The following TOX variants were observed in gnomAD, a reference collection of about 807,000 sequenced individuals.
The protein encoded by TOX is thymocyte selection-associated high mobility group box protein TOX.
In TOX, 11 loss-of-function variants were observed where a neutral mutation model predicts 53.7. The ratio of observed to expected loss-of-function variants is 0.20; its 90% confidence interval spans 0.13 to 0.34. TOX has a LOEUF of 0.34. Among genes scored for constraint, TOX ranks in the 10% least tolerant of loss-of-function variants. The probability of loss-of-function intolerance (pLI) is 1.00; values close to 1 mark genes in which losing one functional copy is unlikely to be tolerated. For missense variants in TOX, 570 were observed against 664.6 expected (o/e 0.86, Z 1.56); for synonymous variants, 225 against 245.3 (o/e 0.92, Z 0.77).
At chr8:59,034,089 A>G (rs1814411241) in intron 1 of TOX, among the ~76,000 whole-genome samples, 1 of 152,218 alleles carries the variant, frequency 6.6e-6, no homozygotes, top group East Asian at 1.9e-4. Context: ...CATCAGACTG[A>G]CGGAGGCTGA....
At chr8:58,942,933 C>G (rs768729112) in intron 2 of TOX, among the ~76,000 whole-genome samples, 1 of 152,180 alleles carries the variant, frequency 6.6e-6, no homozygotes, top group Non-Finnish European at 1.5e-5. Context: ...CCTTCCACCA[C>G]CAGTAGAAGT....
intron 3 of TOX, among the ~76,000 whole-genome samples, chr8:58,852,708 G>A (rs1810845518): frequency 6.6e-6 from 1 of 152,174 alleles, no homozygotes; most frequent in Admixed American, 6.6e-5. Context: ...TATTGGAGCA[G>A]CTCAGTTTTT....
intron 6 of TOX, 60 bp downstream of exon 6, chr8:58,826,762 T>C: frequency 6.9e-7 from 1 of 1,441,320 alleles, no homozygotes; most frequent in South Asian, 1.3e-5. Context: ...TTTAAGTGAC[T>C]ATCAAAGTCT....
rs1554539851 is a variant in TOX, at chr8:59,021,499, T to TATATATATAC, written c.103-61492_103-61491insGTATATATAT. Among the ~76,000 whole-genome samples the TATATATATAC allele has an allele frequency of 6.4e-5, 7 of 109,634 alleles. 1 individual carries two copies. The South Asian group carries it at 8.3e-4, about 13-fold the overall frequency. 71.9% of individuals were successfully genotyped at this position (109,634 alleles called of 152,430 possible). Reference sequence around the variant, plus strand: ...AAAAAAAAATATATATATATATATATGCACATATATACAATGTCAGATATA... The same window carrying TATATATATAC: ...AAAAAAAAATATATATATATATATATATATATATACGCACATATATACAATGTCAGATATA... On this transcript the variant is annotated intron_variant, in intron 1 of 8. Transcript: ENST00000361421.
chr8:58,816,409 T>G (rs1325779502), intron 6 of TOX, among the ~76,000 whole-genome samples: 2 of 152,216 alleles, frequency 1.3e-5, no homozygotes, highest in Non-Finnish European at 2.9e-5. Flanking sequence ...ATTAATATAA[T>G]TTTGCCCTAA....
intron 1 of TOX, among the ~76,000 whole-genome samples, chr8:59,083,181 A>G (rs922203028): frequency 3.9e-5 from 6 of 152,250 alleles, no homozygotes; most frequent in African/African-American, 1.4e-4. Flanking sequence ...AGAGGAAAAA[A>G]GAGAAAGTGG....
intron 1 of TOX, among the ~76,000 whole-genome samples, chr8:59,087,025 T>C (rs576109054): frequency 3.4e-4 from 52 of 152,224 alleles, no homozygotes; most frequent in Non-Finnish European, 4.7e-4. Flanking sequence ...AAAGATCAAC[T>C]AAACAGCCTA....
At chr8:58,831,914 A>C (rs1810459415) in intron 5 of TOX, among the ~76,000 whole-genome samples, 1 of 152,086 alleles carries the variant, frequency 6.6e-6, no homozygotes. Context: ...CATGTTTTTC[A>C]ATTATAGATA....
chr8:59,096,831 T>C (rs191931023), intron 1 of TOX, among the ~76,000 whole-genome samples: 8 of 152,296 alleles, frequency 5.3e-5, no homozygotes, highest in African/African-American at 1.4e-4. Context: ...AAATCTCCTG[T>C]TCTTTCCGAT....
chr8:58,876,287 A>G (rs2129170471), intron 3 of TOX, among the ~76,000 whole-genome samples: 1 of 152,240 alleles, frequency 6.6e-6, no homozygotes, highest in Non-Finnish European at 1.5e-5. Flanking sequence ...ATTACCTTGA[A>G]TTTTATCATC....
chr8:58,988,387 G>C (rs1395097510), intron 1 of TOX, among the ~76,000 whole-genome samples: 1 of 152,142 alleles, frequency 6.6e-6, no homozygotes, highest in African/African-American at 2.4e-5. Flanking sequence ...TATGTCTATA[G>C]CCGTTCCCTG....
intron 3 of TOX, among the ~76,000 whole-genome samples, chr8:58,926,995 C>G (rs1339831880): frequency 6.6e-6 from 1 of 151,854 alleles, no homozygotes; most frequent in Non-Finnish European, 1.5e-5. Context: ...AATCCTGTAT[C>G]CAGCTTAATC....
chr8:58,838,815 C>A (rs758457289), intron 4 of TOX, among the ~76,000 whole-genome samples: 3 of 150,568 alleles, frequency 2.0e-5, no homozygotes, highest in Non-Finnish European at 4.4e-5. Context: ...AATTCCCCTG[C>A]CTCAGCCTCC....
intron 3 of TOX, among the ~76,000 whole-genome samples, chr8:58,873,958 C>CTCTTTTTTTTTTTTTTTTTT (rs1491588338): frequency 2.5e-5 from 1 of 40,128 alleles, no homozygotes; most frequent in African/African-American, 1.7e-4. Context: ...TGCCAGGAAG[C>CTCTTTTTTTTTTTTTTTTTT]TTTTTTTTTT....
At position 59,089,652 on chromosome 8, in the gene TOX, C is replaced by T. The variant is rs886550484; in HGVS notation, c.102+29234G>A. Among the ~76,000 whole-genome samples, 3 of 152,368 alleles carry T rather than the reference C, an allele frequency of 2.0e-5. No individual in the cohort carries two copies. In the East Asian group the frequency reaches 5.8e-4, roughly 29 times the overall value. On this transcript the variant is annotated intron_variant, in intron 1 of 8. Coordinates refer to ENST00000361421, the MANE Select transcript of TOX (RefSeq NM_014729.3). ...GTCACCTAGGCTGGACGGCAGTCGT[C>T]AATCACCACTGACTGCAGCCTCAAT...
chr8:58,870,330 C>T lies in TOX; in HGVS notation c.412-18525G>A, dbSNP rs145453305. On this transcript the variant is annotated intron_variant, in intron 3 of 8. Transcript: ENST00000361421. ...CACTCCAAAAATGAAAGACATAAATCGAACAAACAAGTACAGGACTTACAC... is the reference window on the plus strand; with the variant it reads ...CACTCCAAAAATGAAAGACATAAATTGAACAAACAAGTACAGGACTTACAC... Among the ~76,000 whole-genome samples the T allele has an allele frequency of 1.5e-3, 228 of 152,028 alleles. 1 individual carries two copies. Among genetic ancestry groups the T allele is most frequent in the African/African-American group, 5.1e-3 (210 of 41,490 alleles).
intron 1 of TOX, among the ~76,000 whole-genome samples, chr8:59,022,755 C>T (rs1399059970): frequency 6.6e-6 from 1 of 152,048 alleles, no homozygotes; most frequent in East Asian, 1.9e-4. Flanking sequence ...GGATGATTCA[C>T]AACTAGAAAT....
At chr8:59,048,173 A>G (rs1169104731) in intron 1 of TOX, among the ~76,000 whole-genome samples, 1 of 152,232 alleles carries the variant, frequency 6.6e-6, no homozygotes, top group East Asian at 1.9e-4. Flanking sequence ...GCGCCTCAGA[A>G]TAAGAAATTC....
At position 59,066,458 on chromosome 8, in the gene TOX, TA is replaced by T. The variant is rs573150805; in HGVS notation, c.102+52427del. ...TTCTTACGATCTTAACAAGTTGCAGTAAAAAAAAAAATTCCAATAACAGATA... is the reference window on the plus strand; with the variant it reads ...TTCTTACGATCTTAACAAGTTGCAGTAAAAAAAAAATTCCAATAACAGATA... On this transcript the variant is annotated intron_variant, in intron 1 of 8. Transcript: ENST00000361421. Among the ~76,000 whole-genome samples the T allele has an allele frequency of 3.8e-4, 56 of 148,484 alleles. 1 individual carries two copies. Among genetic ancestry groups the T allele is most frequent in the African/African-American group, 7.6e-4 (31 of 40,640 alleles).
Sources: allele counts gnomAD v4.1 joint callset (sites outside exome capture counted in the v4.1 genomes callset), GRCh38; gene constraint gnomAD v4.1.1; transcripts MANE v1.5; gene names NCBI Gene and HGNC (gene_info 2026-07-23, HGNC 2026-07-21).